FANK1: variants seen among roughly 807,000 people sequenced by gnomAD.
FANK1 encodes the protein fibronectin type 3 and ankyrin repeat domains protein 1.
FANK1 carries 44 observed loss-of-function variants against 45.3 expected under a neutral mutation model. The observed-to-expected ratio is 0.97, with a 90% CI of 0.76 to 1.25. The LOEUF (loss-of-function observed/expected upper bound fraction) is 1.25. Ranked by LOEUF, FANK1 falls within the 50% of genes most tolerant of loss-of-function variation. The probability of loss-of-function intolerance (pLI) is 0.00; values close to 1 mark genes in which losing one functional copy is unlikely to be tolerated. For synonymous variants in FANK1, 149 were observed against 152.5 expected, an observed-to-expected ratio of 0.98 and a Z score of 0.17; for missense variants, 391 against 424.4, an observed-to-expected ratio of 0.92 and a Z score of 0.69.
intron 3 of FANK1, chr10:125,994,491 AGTG>A (rs1164622618): frequency 1.0e-6 from 1 of 985,190 alleles, no homozygotes; most frequent in Non-Finnish European, 1.2e-6. Context: ...GTATGTAAGA[AGTG>A]GTGGGGCTGT....
chr10:125,970,106 C>T (rs917178767), intron 1 of FANK1, among the ~76,000 whole-genome samples: 60 of 152,332 alleles, frequency 3.9e-4, no homozygotes, highest in East Asian at 7.7e-4. Flanking sequence ...AAACCGCCAT[C>T]GTCATCATGG....
At chr10:125,987,261 A>C (rs956750301) in intron 2 of FANK1, among the ~76,000 whole-genome samples, 1 of 152,076 alleles carries the variant, frequency 6.6e-6, no homozygotes. Context: ...CACTAGATAC[A>C]CTTGTTGAGT....
chr10:125,951,002 C>G (rs1488076855), intron 1 of FANK1, among the ~76,000 whole-genome samples: 1 of 146,078 alleles, frequency 6.8e-6, no homozygotes, highest in Non-Finnish European at 1.5e-5. Flanking sequence ...AACAAAAAAC[C>G]AAACACCGCA....
intron 5 of FANK1, 100 bp from the exon 6 acceptor site, chr10:125,997,320 A>G (rs1469301696): frequency 2.7e-5 from 24 of 872,914 alleles, no homozygotes; most frequent in Middle Eastern, 2.4e-4. Context: ...CTGTTGAAAG[A>G]TACATCTTGG....
intron 3 of FANK1, among the ~76,000 whole-genome samples, chr10:125,992,253 C>T (rs1466079316): frequency 1.3e-5 from 2 of 152,174 alleles, no homozygotes; most frequent in African/African-American, 4.8e-5. Flanking sequence ...AATTGCTGTG[C>T]ACTGCAAACA....
intron 2 of FANK1, among the ~76,000 whole-genome samples, chr10:125,984,326 G>C (rs961253997): frequency 2.0e-5 from 3 of 152,192 alleles, no homozygotes; most frequent in African/African-American, 7.2e-5. Flanking sequence ...CTTCTGCCCA[G>C]AATGACATAC....
At chr10:125,980,472 T>C (rs1243360045) in intron 2 of FANK1, 134 bp downstream of exon 2, 21 of 1,063,620 alleles carry the variant, frequency 2.0e-5, no homozygotes, top group Non-Finnish European at 2.6e-5. Flanking sequence ...TCATGCTCTT[T>C]TATGAATTAC....
At chr10:125,984,387 C>T (rs540020261) in intron 2 of FANK1, among the ~76,000 whole-genome samples, 9 of 152,262 alleles carry the variant, frequency 5.9e-5, no homozygotes, top group East Asian at 3.9e-4. Flanking sequence ...CAGCCATGTC[C>T]GAGTTCAACA....
intron 1 of FANK1, among the ~76,000 whole-genome samples, chr10:125,961,561 G>T (rs1330768810): frequency 2.0e-5 from 3 of 152,046 alleles, no homozygotes; most frequent in African/African-American, 7.2e-5. Flanking sequence ...ACTCAAAATG[G>T]ATCAAAGACC....
At chr10:125,928,110 T>C (rs1020892406) in intron 1 of FANK1, among the ~76,000 whole-genome samples, 1 of 151,804 alleles carries the variant, frequency 6.6e-6, no homozygotes, top group Non-Finnish European at 1.5e-5. Flanking sequence ...TCAGGGCGAG[T>C]CCATAGAGTA....
chr10:125,906,244 A>G (rs1429557147), intron 1 of FANK1, among the ~76,000 whole-genome samples: 1 of 152,132 alleles, frequency 6.6e-6, no homozygotes, highest in African/African-American at 2.4e-5. Flanking sequence ...AGCTAGGCAC[A>G]GTGGCTCATG....
intron 1 of FANK1, among the ~76,000 whole-genome samples, chr10:125,929,264 T>C (rs1276646184): frequency 1.3e-5 from 2 of 152,202 alleles, no homozygotes; most frequent in East Asian, 3.8e-4. Flanking sequence ...CAAAGGCTCT[T>C]ATGCAGAAAA....
At chr10:125,898,025 A>AAAG (rs1944717261) in intron 1 of FANK1, among the ~76,000 whole-genome samples, 1 of 135,828 alleles carries the variant, frequency 7.4e-6, no homozygotes, top group African/African-American at 2.7e-5. Flanking sequence ...AAAAAAAAAA[A>AAAG]AAAAAAAAAG....
intron 3 of FANK1, among the ~76,000 whole-genome samples, chr10:125,991,250 G>GCT (rs1554946302): frequency 9.2e-4 from 134 of 146,000 alleles, no homozygotes; most frequent in African/African-American, 3.1e-3. Flanking sequence ...GGTGACCAGG[G>GCT]GTGTGTGTGT....
intron 7 of FANK1, 126 bp downstream of exon 7, chr10:126,005,175 T>G: frequency 1.8e-6 from 2 of 1,135,324 alleles, no homozygotes; most frequent in Non-Finnish European, 2.4e-6. Context: ...GTTTTCTGAC[T>G]TAGCAAGAAA....
chr10:126,005,111 G>T (rs1430079024), intron 7 of FANK1, 62 bp downstream of exon 7: 1 of 1,544,314 alleles, frequency 6.5e-7, no homozygotes, highest in African/African-American at 1.4e-5. Context: ...CTGCTCCATG[G>T]GGTCTGGCAG....
intron 1 of FANK1, among the ~76,000 whole-genome samples, chr10:125,932,683 T>C (rs1259866053): frequency 6.6e-6 from 1 of 152,182 alleles, no homozygotes; most frequent in Non-Finnish European, 1.5e-5. Context: ...TGACTTCCTC[T>C]TTACCGATTT....
At chr10:125,918,585 A>AAAAATATATATATAT (rs1554913277) in intron 1 of FANK1, among the ~76,000 whole-genome samples, 2 of 70,972 alleles carry the variant, frequency 2.8e-5, no homozygotes, top group African/African-American at 1.6e-4. Context: ...AAAAAAAAAA[A>AAAAATATATATATAT]ATATATATAT....
intron 1 of FANK1, among the ~76,000 whole-genome samples, chr10:125,965,221 C>T (rs1950142886): frequency 6.6e-6 from 1 of 152,154 alleles, no homozygotes; most frequent in South Asian, 2.1e-4. Flanking sequence ...GTAATTGCAT[C>T]ATTTTGATTT....
Sources: allele counts gnomAD v4.1 joint callset (sites outside exome capture counted in the v4.1 genomes callset), GRCh38; gene constraint gnomAD v4.1.1; transcripts MANE v1.5; gene names NCBI Gene and HGNC (gene_info 2026-07-23, HGNC 2026-07-21).